Variants in ZNF93 observed in about 807,000 individuals in gnomAD.
ZNF93 encodes the protein zinc finger protein 505.
Under a neutral mutation model 45.0 loss-of-function variants are expected in ZNF93, and 29 were observed. The observed-to-expected ratio is 0.64, with a 90% confidence interval of 0.48 to 0.88. The LOEUF (loss-of-function observed/expected upper bound fraction) is 0.88, where lower values mean the gene tolerates loss of function less well. Ranked by LOEUF, ZNF93 falls within the 40% of genes least tolerant of loss-of-function variation. ZNF93 has a pLI of 0.00. For synonymous variants in ZNF93, 223 were observed against 244.6 expected (o/e 0.91, Z 0.82); for missense variants, 578 against 724.0 (o/e 0.80, Z 2.31).
intron 3 of ZNF93, among the ~76,000 whole-genome samples, chr19:19,928,158 C>A (rs12610295): frequency 0.15 from 23,448 of 152,102 alleles, 2,079 homozygotes; most frequent in East Asian, 0.41. Flanking sequence ...GAAAATAAGC[C>A]AACTTTATCA....
In ZNF93 at chr19:19,927,399, T is replaced by C. The variant is rs1162584066; in HGVS notation, c.227-5783T>C. 6 of 389,448 alleles carry C rather than the reference T, an allele frequency of 1.5e-5. No individual in the cohort carries two copies. In the East Asian group the frequency reaches 2.2e-4, roughly 14 times the overall value. The allele number at this position is 389,448 out of a possible 1,614,324, so 24.1% of individuals were successfully genotyped here. ...TTCAGGCATGTTAAGTATATTCACA[T>C]TGTTATGCAAAAGACTTCTAGAAAC... On this transcript the variant is annotated intron_variant, in intron 3 of 3. Coordinates refer to ENST00000343769, the MANE Select transcript of ZNF93 (RefSeq NM_031218.4).
At chr19:19,902,827 C>T (rs1220273329) in intron 1 of ZNF93, among the ~76,000 whole-genome samples, 5 of 151,188 alleles carry the variant, frequency 3.3e-5, no homozygotes, top group Non-Finnish European at 7.4e-5. Context: ...AGCTCCGCCT[C>T]CCGGGTTCAC....
At chr19:19,920,857 G>A (rs552237470) in intron 3 of ZNF93, among the ~76,000 whole-genome samples, 15 of 152,056 alleles carry the variant, frequency 9.9e-5, no homozygotes, top group South Asian at 4.2e-4. Flanking sequence ...TCTTGCTAGC[G>A]GTCTATCAAT....
At chr19:19,909,235 G>A (rs1254011837) in intron 1 of ZNF93, 1 of 152,296 alleles carries the variant, frequency 6.6e-6, no homozygotes, top group Admixed American at 6.5e-5. Context: ...CTCAGTGGCA[G>A]ATGGTAGCGG....
At chr19:19,931,598 C>G (rs1022600844) in intron 3 of ZNF93, among the ~76,000 whole-genome samples, 6 of 152,290 alleles carry the variant, frequency 3.9e-5, no homozygotes, top group African/African-American at 1.4e-4. Context: ...CTTTTGGGTT[C>G]AAGTGATCAG....
At chr19:19,901,325 C>T (rs1228441006) in intron 1 of ZNF93, among the ~76,000 whole-genome samples, 1 of 152,196 alleles carries the variant, frequency 6.6e-6, no homozygotes, top group Non-Finnish European at 1.5e-5. Flanking sequence ...GCTTGGAGCC[C>T]TCGCTGGGCA....
chr19:19,931,921 TAAC>T (rs915970433), intron 3 of ZNF93: 18 of 335,276 alleles, frequency 5.4e-5, no homozygotes, highest in Admixed American at 8.9e-5. Context: ...TTTAATCTCA[TAAC>T]AACTTCAATT....
chr19:19,930,831 T>G lies in ZNF93; in HGVS notation c.227-2351T>G, dbSNP rs535072614. Among the ~76,000 whole-genome samples the G allele has an allele frequency of 4.6e-5, 7 of 152,308 alleles. No homozygotes were observed. The East Asian group carries it at 1.3e-3, about 29-fold the overall frequency. ...GATCTATATCTGGTATAACTATTCT[T>G]ATCTTATATTTTATTATGCTGGAAC... is the stretch of plus-strand genomic sequence containing the variant. On this transcript the variant is annotated intron_variant, in intron 3 of 3. Transcript: ENST00000343769.
intron 3 of ZNF93, among the ~76,000 whole-genome samples, chr19:19,920,038 A>C (rs1263092908): frequency 6.6e-6 from 1 of 152,158 alleles, no homozygotes; most frequent in East Asian, 1.9e-4. Context: ...CAGTTTTCAA[A>C]GGGAATGCTT....
Position 19,933,576 on chromosome 19 carries a change from C to A in ZNF93, c.621C>A (p.Gly207=). The A allele has an allele frequency of 6.2e-7, 1 of 1,607,848 alleles. No individual in the cohort carries two copies. ...GEKPYICEEC[G]KAFKYSSALN... Reference sequence around the variant, plus strand: ...AACCCTACATTTGTGAAGAATGTGGCAAAGCCTTTAAGTACTCCTCTGCCC... The same window carrying A: ...AACCCTACATTTGTGAAGAATGTGGAAAAGCCTTTAAGTACTCCTCTGCCC... The change falls in exon 4 of 4, where the codon GGC becomes GGA. Residue 207 remains glycine, a synonymous_variant. Transcript: ENST00000343769.
chr19:19,934,627 C>T lies in ZNF93; in HGVS notation c.1672C>T (p.Leu558Phe). Reference sequence around the variant, plus strand: ...CACACACCTTACTACACATAAGATACTTCATACTGGAGAGAAACCTTATAG... The same window carrying T: ...CACACACCTTACTACACATAAGATATTTCATACTGGAGAGAAACCTTATAG... ...LSTHLTTHKILHTGEKPYRCR... is the reference protein window; with the variant it reads ...LSTHLTTHKIFHTGEKPYRCR... The change falls in exon 4 of 4, where the codon CTT becomes TTT. Residue 558 changes from leucine to phenylalanine, a missense_variant. By Grantham distance (22) the Leu-to-Phe change is conservative. This residue lies in a region of ZNF93 where 119 missense variants were observed against 123.1 expected (regional missense o/e 0.97). Coordinates refer to ENST00000343769, the MANE Select transcript of ZNF93 (RefSeq NM_031218.4). The T allele has an allele frequency of 1.9e-6, 3 of 1,612,774 alleles. No homozygotes were observed. The highest frequency in any genetic ancestry group is 2.2e-5 in the South Asian group (2 of 90,974).
chr19:19,915,438 A>T (rs780807896), intron 2 of ZNF93, 32 bp downstream of exon 2: 5 of 1,601,388 alleles, frequency 3.1e-6, no homozygotes, highest in Non-Finnish European at 4.3e-6. Flanking sequence ...AATTCATAAT[A>T]CACCCTAAAG....
At chr19:19,929,677 G>T (rs1036933932) in intron 3 of ZNF93, among the ~76,000 whole-genome samples, 3 of 152,028 alleles carry the variant, frequency 2.0e-5, no homozygotes, top group South Asian at 2.1e-4. Flanking sequence ...GGTGGCTCAC[G>T]CCTGTAATCC....
intron 1 of ZNF93, among the ~76,000 whole-genome samples, chr19:19,903,827 G>A (rs899623627): frequency 6.6e-6 from 1 of 151,706 alleles, no homozygotes; most frequent in East Asian, 1.9e-4. Flanking sequence ...TCCGAGCACT[G>A]TGGGAGGCAG....
At chr19:19,924,801 G>T (rs2063351774) in intron 3 of ZNF93, among the ~76,000 whole-genome samples, 1 of 151,880 alleles carries the variant, frequency 6.6e-6, no homozygotes, top group African/African-American at 2.4e-5. Flanking sequence ...TATTGGTCAG[G>T]CTGGTCTCCC....
intron 1 of ZNF93, among the ~76,000 whole-genome samples, chr19:19,906,929 A>T (rs10419102): frequency 0.076 from 11,237 of 147,466 alleles, 921 homozygotes; most frequent in African/African-American, 0.21. Context: ...TTTTTCCCCC[A>T]TAAAGATTCT....
chr19:19,905,922 T>G (rs1274351979), intron 1 of ZNF93, among the ~76,000 whole-genome samples: 1 of 152,224 alleles, frequency 6.6e-6, no homozygotes, highest in Non-Finnish European at 1.5e-5. Flanking sequence ...ATTCTACCAT[T>G]GATAGGCATT....
At chr19:19,933,034 T>G in intron 3 of ZNF93, 148 bp from the exon 4 acceptor site, 1 of 619,276 alleles carries the variant, frequency 1.6e-6, no homozygotes, top group East Asian at 3.5e-5. Context: ...TTTTGTTACA[T>G]TTATATGTTC....
At chr19:19,916,725 T>C (rs1258887654) in intron 3 of ZNF93, 70 bp downstream of exon 3, 4 of 1,134,006 alleles carry the variant, frequency 3.5e-6, no homozygotes, top group Non-Finnish European at 5.0e-6. Context: ...AGAAAGCCAG[T>C]CCTTAAAATG....
Sources: gnomAD v4.1 joint callset for allele counts (sites outside exome capture counted in the v4.1 genomes callset) on GRCh38, gnomAD v4.1.1 for gene constraint, gnomAD v4.1.1 regional missense constraint, MANE v1.5 for transcripts, NCBI Gene and HGNC (gene_info 2026-07-23, HGNC 2026-07-21) for gene names.